FAIM2: variants seen among roughly 807,000 people sequenced by gnomAD.
FAIM2 encodes the protein Fas apoptotic inhibitory molecule 2.
A neutral mutation model predicts 47.4 loss-of-function variants in FAIM2; 27 were observed. That is an observed-to-expected ratio of 0.57 (90% CI 0.42 to 0.78). The LOEUF is 0.78. Among genes scored for constraint, FAIM2 ranks in the 30% least tolerant of loss-of-function variants. FAIM2 has a pLI of 0.00. For missense variants in FAIM2, 311 were observed against 389.4 expected (o/e 0.80, Z 1.69); for synonymous variants, 156 against 159.3 (o/e 0.98, Z 0.16).
At position 49,874,985 on chromosome 12, in the gene FAIM2, CG is replaced by C. The variant is rs1414907296; in HGVS notation, c.802-4333del. Among the ~76,000 whole-genome samples the C allele has an allele frequency of 6.6e-6, 1 of 152,042 alleles. No individual in the cohort carries two copies. Among genetic ancestry groups the C allele is most frequent in the Admixed American group, 6.6e-5 (1 of 15,266 alleles). ...CATAAAACTATACACGTCAGAGGAG[CG>C]CACATAGCAAATATCTATGAAATGC... On this transcript the variant is annotated intron_variant, in intron 11 of 11. Coordinates refer to ENST00000320634, the MANE Select transcript of FAIM2 (RefSeq NM_012306.4). The surrounding 1 kb of genome is among the most constrained non-coding windows in gnomAD (Gnocchi z 4.2).
At chr12:49,871,095 G>C (rs1946699455) in intron 11 of FAIM2, among the ~76,000 whole-genome samples, 1 of 152,218 alleles carries the variant, frequency 6.6e-6, no homozygotes, top group African/African-American at 2.4e-5. Context: ...TGCTCTCAGA[G>C]GAAGGCAAAC....
Position 49,901,191 on chromosome 12 carries a change from C to T in FAIM2, c.150G>A (p.Gly50=), listed in dbSNP as rs765484209. The T allele has an allele frequency of 1.9e-6, 3 of 1,610,198 alleles. No individual in the cohort carries two copies. Among genetic ancestry groups the T allele is most frequent in the South Asian group, 2.2e-5 (2 of 90,578 alleles). ...EATSGEGMKA[G]AFPPAPTAVP... is the part of the protein sequence containing the mutation. The stretch of plus-strand genomic sequence containing the variant: ...CCGCTGTGGGGGCTGGGGGGAAGGC[C>T]CCTGCCTTCATCCCCTCCCCAGAGG... The change falls in exon 2 of 12, where the codon GGG becomes GGA. Residue 50 remains glycine, a synonymous_variant. Coordinates refer to ENST00000320634, the MANE Select transcript of FAIM2 (RefSeq NM_012306.4).
intron 1 of FAIM2, among the ~76,000 whole-genome samples, chr12:49,903,240 T>C (rs577023716): frequency 6.6e-6 from 1 of 152,332 alleles, no homozygotes; most frequent in Non-Finnish European, 1.5e-5. Context: ...TTAGAGCATC[T>C]TGATGCAGAG....
chr12:49,887,410 T>G lies in FAIM2; in HGVS notation c.777A>C (p.Ala259=). ...CCAATGTAAATACACCCGCTCCCAGTGCTGCATAAACTGCATGGAGCCAGG... is the reference window on the plus strand; with the variant it reads ...CCAATGTAAATACACCCGCTCCCAGGGCTGCATAAACTGCATGGAGCCAGG... ...YVPWLHAVYA[A]LGAGVFTLFL... is the part of the protein sequence containing the mutation. The change falls in exon 11 of 12, where the codon GCA becomes GCC. Residue 259 remains alanine (A), a synonymous_variant. Coordinates refer to ENST00000320634, the MANE Select transcript of FAIM2 (RefSeq NM_012306.4). 1 of 1,611,778 alleles carries G rather than the reference T, an allele frequency of 6.2e-7. No homozygotes were observed.
At chr12:49,883,865 T>G (rs1459594100) in intron 11 of FAIM2, among the ~76,000 whole-genome samples, 1 of 152,130 alleles carries the variant, frequency 6.6e-6, no homozygotes. Flanking sequence ...GGACTGAGAC[T>G]GGGTCCCCGG....
At chr12:49,886,055 G>T (rs764926103) in intron 11 of FAIM2, among the ~76,000 whole-genome samples, 18 of 152,042 alleles carry the variant, frequency 1.2e-4, no homozygotes, top group Non-Finnish European at 1.9e-4. Context: ...CCGGAAATTT[G>T]ACTAAGCTGC....
At chr12:49,879,381 TGTATGTGG>T (rs1383123492) in intron 11 of FAIM2, among the ~76,000 whole-genome samples, 5 of 151,870 alleles carry the variant, frequency 3.3e-5, no homozygotes, top group African/African-American at 4.8e-5. Flanking sequence ...TGTGTATATG[TGTATGTGG>T]GTATGTGTCC....
At chr12:49,898,693 A>G (rs1386202953) in intron 2 of FAIM2, among the ~76,000 whole-genome samples, 2 of 151,926 alleles carry the variant, frequency 1.3e-5, no homozygotes, top group African/African-American at 2.4e-5. Flanking sequence ...CGCCTGGCTA[A>G]TATTTTATAT....
intron 5 of FAIM2, 26 bp downstream of exon 5, chr12:49,897,005 G>A: frequency 6.3e-7 from 1 of 1,595,354 alleles, no homozygotes; most frequent in East Asian, 2.2e-5. Flanking sequence ...TCTCTGGAAG[G>A]GGACTGGGGA....
At chr12:49,873,829 T>C (rs993104821) in intron 11 of FAIM2, among the ~76,000 whole-genome samples, 1 of 152,202 alleles carries the variant, frequency 6.6e-6, no homozygotes, top group Admixed American at 6.5e-5. Context: ...CACTGCCACC[T>C]GATGCCTGTG....
At position 49,870,987 on chromosome 12, in the gene FAIM2, C is replaced by G. The variant is rs958572268; in HGVS notation, c.802-334G>C. Among the ~76,000 whole-genome samples, 3 of 152,292 alleles carry G rather than the reference C, an allele frequency of 2.0e-5. No homozygotes were observed. In the South Asian group the frequency reaches 6.2e-4, roughly 32 times the overall value. On this transcript the variant is annotated intron_variant, in intron 11 of 11. Transcript: ENST00000320634. ...CAGCAGTGGGGCTGATAACAAGGAG[C>G]CTCACCTATGTGAGTGTGGCAGGAA...
rs904010468 is a variant in FAIM2 at position 49,883,824 on chromosome 12, A to G, written c.801+3562T>C. Among the ~76,000 whole-genome samples the G allele has an allele frequency of 5.9e-5, 9 of 152,096 alleles. No homozygotes were observed. In the South Asian group the frequency reaches 1.9e-3, roughly 32 times the overall value. On this transcript the variant is annotated intron_variant, in intron 11 of 11. Coordinates refer to ENST00000320634, the MANE Select transcript of FAIM2 (RefSeq NM_012306.4). Reference sequence around the variant, plus strand: ...GGTGGGAGAGGGAAGGAACCGTTGTATCCAATACTTCTGGGAGTCCAGCAA... The same window carrying G: ...GGTGGGAGAGGGAAGGAACCGTTGTGTCCAATACTTCTGGGAGTCCAGCAA...
At chr12:49,870,990 C>A (rs111497903) in intron 11 of FAIM2, among the ~76,000 whole-genome samples, 15 of 152,310 alleles carry the variant, frequency 9.8e-5, no homozygotes, top group African/African-American at 3.1e-4. Flanking sequence ...CAAGGAGCCT[C>A]ACCTATGTGA....
intron 11 of FAIM2, among the ~76,000 whole-genome samples, chr12:49,880,572 C>A (rs796230106): frequency 0.014 from 147 of 10,624 alleles, 1 homozygote; most frequent in African/African-American, 0.092. Context: ...ATGTGTGTAT[C>A]TGTGCATGTG....
intron 2 of FAIM2, 37 bp from the exon 3 acceptor site, chr12:49,898,127 C>T (rs1592794813): frequency 6.6e-7 from 1 of 1,508,058 alleles, no homozygotes; most frequent in Non-Finnish European, 9.2e-7. Flanking sequence ...ATGAGGGTTC[C>T]CCCTACATAG....
intron 11 of FAIM2, among the ~76,000 whole-genome samples, chr12:49,871,562 G>A (rs1188976443): frequency 1.3e-5 from 2 of 152,174 alleles, no homozygotes; most frequent in Admixed American, 6.5e-5. Context: ...TTTGGCAGGC[G>A]TGGTGCGCTT....
At chr12:49,880,173 TGTGTATG>T (rs1205755784) in intron 11 of FAIM2, among the ~76,000 whole-genome samples, 14 of 151,528 alleles carry the variant, frequency 9.2e-5, no homozygotes, top group Non-Finnish European at 1.3e-4. Context: ...TGTGTATGTG[TGTGTATG>T]CATGTGTGTA....
chr12:49,870,568 A>T lies in FAIM2; in HGVS notation c.887T>A (p.Ile296Asn), dbSNP rs1592781808. 6.2e-7 allele frequency: 1 copy of T among 1,613,836 alleles called. No homozygotes were observed. The highest frequency in any genetic ancestry group is 8.5e-7 in the Non-Finnish European group (1 of 1,179,854). The part of the protein sequence containing the change: ...PEEYIFGALN[I>N]YLDIIYIFTF... ...GAAGATATAGATGATGTCTAGGTAA[A>T]TGTTGAGGGCTCCAAAAATATACTC... Residue 296 changes from isoleucine to asparagine, a missense_variant, in exon 12 of 12, where the codon ATT (isoleucine) becomes AAT (asparagine). By Grantham distance (149) the Ile-to-Asn change is moderately radical. Transcript: ENST00000320634.
At chr12:49,880,727 T>TGC (rs1359852338) in intron 11 of FAIM2, among the ~76,000 whole-genome samples, 2 of 20,790 alleles carry the variant, frequency 9.6e-5, no homozygotes, top group African/African-American at 5.3e-4. Flanking sequence ...CGTGTATATG[T>TGC]GTGTGTGTAT....
Sources: allele counts gnomAD v4.1 joint callset (sites outside exome capture counted in the v4.1 genomes callset), GRCh38; gene constraint gnomAD v4.1.1; non-coding constraint Gnocchi (gnomAD v3.1); transcripts MANE v1.5; gene names NCBI Gene and HGNC (gene_info 2026-07-23, HGNC 2026-07-21).